Variants in ACYP2 observed in about 807,000 individuals in gnomAD.
The protein encoded by ACYP2 is acylphosphatase-2.
ACYP2 carries 12 observed loss-of-function variants against 11.2 expected under a neutral mutation model. The ratio of observed to expected loss-of-function variants is 1.08; its 90% CI spans 0.69 to 1.74. The LOEUF (loss-of-function observed/expected upper bound fraction) is 1.74, where lower values mean the gene tolerates loss of function less well. Ranked by LOEUF, ACYP2 falls within the 40% of genes most tolerant of loss-of-function variation. ACYP2 has a pLI of 0.00. For missense variants in ACYP2, 134 were observed against 101.9 expected, an observed-to-expected ratio of 1.31 and a Z score of -1.35; for synonymous variants, 43 against 32.2, an observed-to-expected ratio of 1.33 and a Z score of -1.13.
intron 2 of ACYP2, among the ~76,000 whole-genome samples, chr2:54,013,418 A>T (rs1673501888): frequency 6.6e-6 from 1 of 151,574 alleles, no homozygotes; most frequent in African/African-American, 2.4e-5. Flanking sequence ...CTTCTGCCTC[A>T]GCCTCCCAAG....
chr2:53,982,901 G>A (rs761647226), intron 2 of ACYP2, among the ~76,000 whole-genome samples: 2 of 149,352 alleles, frequency 1.3e-5, no homozygotes, highest in East Asian at 2.0e-4. Context: ...GGAGAACCAG[G>A]GATTTATATG....
At chr2:54,027,139 T>C (rs1482709723) in intron 2 of ACYP2, among the ~76,000 whole-genome samples, 2 of 152,216 alleles carry the variant, frequency 1.3e-5, no homozygotes, top group Admixed American at 1.3e-4. Flanking sequence ...ATTAGCATTG[T>C]TGGGGCTCAG....
chr2:54,020,372 C>G (rs114461661), intron 2 of ACYP2, among the ~76,000 whole-genome samples: 2,164 of 152,224 alleles, frequency 0.014, 28 homozygotes, highest in African/African-American at 0.032. Flanking sequence ...AAAAATAATG[C>G]TCCTAAACAA....
At chr2:54,174,431 C>G (rs1385061108) in intron 6 of ACYP2, among the ~76,000 whole-genome samples, 3 of 152,084 alleles carry the variant, frequency 2.0e-5, no homozygotes, top group Admixed American at 1.3e-4. Context: ...TGGGCTGAGA[C>G]GATGGGGTTT....
intron 6 of ACYP2, among the ~76,000 whole-genome samples, chr2:54,169,191 T>C (rs1428615948): frequency 6.6e-6 from 1 of 152,228 alleles, no homozygotes; most frequent in African/African-American, 2.4e-5. Context: ...GTTTCAGCAG[T>C]GAATCTTCCA....
intron 6 of ACYP2, among the ~76,000 whole-genome samples, chr2:54,251,869 C>T (rs575171625): frequency 1.3e-5 from 2 of 152,316 alleles, no homozygotes; most frequent in African/African-American, 4.8e-5. Context: ...ATTCAGATTC[C>T]CTATGTTCCC....
chr2:54,261,585 G>GA (rs1381321807), intron 6 of ACYP2, among the ~76,000 whole-genome samples: 1 of 152,148 alleles, frequency 6.6e-6, no homozygotes, highest in Non-Finnish European at 1.5e-5. Context: ...AAGAGCCTGT[G>GA]AATTGTATAG....
At chr2:54,262,729 G>GAAAT (rs1310112082) in intron 6 of ACYP2, among the ~76,000 whole-genome samples, 1 of 150,868 alleles carries the variant, frequency 6.6e-6, no homozygotes, top group Non-Finnish European at 1.5e-5. Flanking sequence ...TTTTTTTTTA[G>GAAAT]AAATAACTTT....
intron 2 of ACYP2, among the ~76,000 whole-genome samples, chr2:53,990,911 C>A (rs1322035072): frequency 6.6e-6 from 1 of 151,894 alleles, no homozygotes; most frequent in African/African-American, 2.4e-5. Flanking sequence ...ATTCTCCTGC[C>A]TCAGCCTCCC....
At chr2:54,147,888 A>G (rs1681967226) in intron 6 of ACYP2, among the ~76,000 whole-genome samples, 1 of 152,158 alleles carries the variant, frequency 6.6e-6, no homozygotes, top group South Asian at 2.1e-4. Flanking sequence ...TGTACCAGCT[A>G]GGAATATTTT....
intron 6 of ACYP2, among the ~76,000 whole-genome samples, chr2:54,296,205 AG>A (rs1485488628): frequency 2.3e-4 from 35 of 152,316 alleles, no homozygotes; most frequent in Admixed American, 8.5e-4. Context: ...CTTTTCACAT[AG>A]GGGCAGTCAA....
chr2:54,059,222 C>CT (rs935732697), intron 4 of ACYP2, among the ~76,000 whole-genome samples: 4 of 150,380 alleles, frequency 2.7e-5, no homozygotes, highest in Non-Finnish European at 5.9e-5. Context: ...TTTTCTTTTT[C>CT]TTTTTTTTCT....
chr2:54,146,461 G>C (rs1164479648), intron 6 of ACYP2, among the ~76,000 whole-genome samples: 1 of 146,426 alleles, frequency 6.8e-6, no homozygotes, highest in Admixed American at 6.9e-5. Context: ...TTTTATTACA[G>C]ACTGGATTTT....
At chr2:54,024,882 A>C (rs1356414105) in intron 2 of ACYP2, among the ~76,000 whole-genome samples, 21 of 152,226 alleles carry the variant, frequency 1.4e-4, no homozygotes, top group Admixed American at 1.4e-3. Flanking sequence ...AAGTGAATTC[A>C]GTAAAGCTTC....
At chr2:54,291,830 A>G (rs1371634959) in intron 6 of ACYP2, among the ~76,000 whole-genome samples, 1 of 152,160 alleles carries the variant, frequency 6.6e-6, no homozygotes, top group African/African-American at 2.4e-5. Context: ...ATCAGGAAAA[A>G]TTGTCCAAGG....
chr2:54,295,538 C>T (rs1053367934), intron 6 of ACYP2, among the ~76,000 whole-genome samples: 3 of 152,102 alleles, frequency 2.0e-5, no homozygotes, highest in Non-Finnish European at 2.9e-5. Flanking sequence ...CCTCCTCCCA[C>T]GCATGGAAGC....
chr2:54,181,347 T>C (rs142265409), intron 6 of ACYP2, among the ~76,000 whole-genome samples: 46 of 152,300 alleles, frequency 3.0e-4, no homozygotes, highest in Middle Eastern at 3.4e-3. Flanking sequence ...TGGAAGGTAG[T>C]GTGTTTGAAT....
Position 54,062,473 on chromosome 2 carries a change from A to C in ACYP2, c.277+5113A>C, listed in dbSNP as rs557830660. On this transcript the variant is annotated intron_variant, in intron 4 of 6. Coordinates refer to ENST00000607452, the MANE Select transcript of ACYP2 (RefSeq NM_001320586.2). Reference sequence around the variant, plus strand: ...ACCAGATCAACCTATATAGAAAAATAAATCTGGTTCCACTTTTACTTCCTA... The same window carrying C: ...ACCAGATCAACCTATATAGAAAAATCAATCTGGTTCCACTTTTACTTCCTA... Among the ~76,000 whole-genome samples the C allele has an allele frequency of 5.3e-5, 8 of 152,350 alleles. No homozygotes were observed. The South Asian group carries it at 6.2e-4, about 12-fold the overall frequency.
At chr2:53,996,715 C>A (rs1404205209) in intron 2 of ACYP2, among the ~76,000 whole-genome samples, 1 of 152,174 alleles carries the variant, frequency 6.6e-6, no homozygotes, top group African/African-American at 2.4e-5. Flanking sequence ...ACTTTCATGC[C>A]TGCTACATCA....
Sources: allele counts gnomAD v4.1 joint callset (sites outside exome capture counted in the v4.1 genomes callset), GRCh38; gene constraint gnomAD v4.1.1; transcripts MANE v1.5; gene names NCBI Gene and HGNC (gene_info 2026-07-23, HGNC 2026-07-21).